DCDC1: variants seen among roughly 807,000 people sequenced by gnomAD.
DCDC1 encodes doublecortin domain containing 1, also known as doublecortin domain-containing protein 1.
In DCDC1, 200 loss-of-function variants were observed where a neutral mutation model predicts 178.3. The observed-to-expected ratio is 1.12, with a 90% CI of 1.00 to 1.26. The LOEUF (loss-of-function observed/expected upper bound fraction) is 1.26, where lower values mean the gene tolerates loss of function less well. DCDC1 is among the 50% of genes most tolerant of loss of function. The probability of loss-of-function intolerance (pLI) is 0.00; values close to 1 mark genes in which losing one functional copy is unlikely to be tolerated. For missense variants in DCDC1, 1,983 were observed against 1,749.2 expected (o/e 1.13, Z -2.38); for synonymous variants, 690 against 604.8 (o/e 1.14, Z -2.07).
chr11:30,985,548 T>C (rs1950597119), intron 20 of DCDC1, among the ~76,000 whole-genome samples: 1 of 152,202 alleles, frequency 6.6e-6, no homozygotes, highest in African/African-American at 2.4e-5. Flanking sequence ...TTAAAACATG[T>C]AGACATCTGA....
intron 9 of DCDC1, among the ~76,000 whole-genome samples, chr11:31,162,489 T>G (rs947261921): frequency 3.9e-5 from 6 of 152,132 alleles, no homozygotes; most frequent in African/African-American, 1.4e-4. Flanking sequence ...TGGGAAAAGA[T>G]TTCACCTACA....
chr11:31,257,709 C>CACACAA (rs1944505257), intron 8 of DCDC1, among the ~76,000 whole-genome samples: 1 of 151,658 alleles, frequency 6.6e-6, no homozygotes, highest in South Asian at 2.1e-4. Context: ...CACACACACA[C>CACACAA]ACACACACAC....
intron 8 of DCDC1, among the ~76,000 whole-genome samples, chr11:31,255,148 C>T (rs1372024266): frequency 1.3e-5 from 2 of 152,180 alleles, no homozygotes; most frequent in Non-Finnish European, 1.5e-5. Context: ...GAATAACATT[C>T]CATTGTATGT....
At chr11:30,871,746 C>G (rs1436882732) in intron 38 of DCDC1, among the ~76,000 whole-genome samples, 1 of 152,042 alleles carries the variant, frequency 6.6e-6, no homozygotes, top group Admixed American at 6.6e-5. Flanking sequence ...CTTCCAATAT[C>G]TGGGTCCTAG....
At position 30,963,351 on chromosome 11, in the gene DCDC1, T is replaced by C. The variant is rs1440440527; in HGVS notation, c.2592-10783A>G. ...CCTCAGTTATGTCAACTAATTTTGC[T>C]TAAAGTGCTTAAAGTCCATATCAGA... On this transcript the variant is annotated intron_variant, in intron 20 of 38. Transcript: ENST00000684477. Among the ~76,000 whole-genome samples the C allele has an allele frequency of 2.6e-5, 4 of 152,146 alleles. No homozygotes were observed. The East Asian group carries it at 7.7e-4, about 29-fold the overall frequency.
chr11:31,099,204 A>T (rs933806525), intron 15 of DCDC1, among the ~76,000 whole-genome samples: 14 of 152,188 alleles, frequency 9.2e-5, no homozygotes, highest in African/African-American at 2.9e-4. Flanking sequence ...TCGACTATTA[A>T]ATTCAATTCA....
At chr11:31,213,725 A>G (rs1973155825) in intron 9 of DCDC1, among the ~76,000 whole-genome samples, 1 of 152,002 alleles carries the variant, frequency 6.6e-6, no homozygotes, top group South Asian at 2.1e-4. Flanking sequence ...GTCTCAAAAA[A>G]AAAACAAAAA....
intron 20 of DCDC1, among the ~76,000 whole-genome samples, chr11:31,025,197 T>C (rs1335146867): frequency 6.6e-6 from 1 of 151,826 alleles, no homozygotes; most frequent in Non-Finnish European, 1.5e-5. Flanking sequence ...AGGTTACTTG[T>C]AATGGAAGTA....
chr11:31,233,140 A>G (rs1591493089), intron 9 of DCDC1, among the ~76,000 whole-genome samples: 2 of 152,130 alleles, frequency 1.3e-5, no homozygotes, highest in Admixed American at 6.5e-5. Context: ...CAACAGCTCA[A>G]TGAGGTAAGT....
chr11:31,013,815 T>C (rs755611259), intron 20 of DCDC1, among the ~76,000 whole-genome samples: 2 of 152,224 alleles, frequency 1.3e-5, no homozygotes, highest in Non-Finnish European at 1.5e-5. Flanking sequence ...ACAAGTAGCC[T>C]GAGAAAATGT....
intron 18 of DCDC1, among the ~76,000 whole-genome samples, chr11:31,074,893 A>T (rs1001471726): frequency 6.6e-6 from 1 of 152,024 alleles, no homozygotes. Flanking sequence ...CAGAGCCTAA[A>T]TTTTTTTTAT....
rs115862792 is a variant in DCDC1, at chr11:31,213,333, A to C, written c.1221+28117T>G. On this transcript the variant is annotated intron_variant, in intron 9 of 38. Coordinates refer to ENST00000684477, the MANE Select transcript of DCDC1 (RefSeq NM_001387274.1). ...CATTGGTAAGTAGAGACTGGATTTTAATTCCTGCCTGGCTCCTGAGTCTAT... is the reference window on the plus strand; with the variant it reads ...CATTGGTAAGTAGAGACTGGATTTTCATTCCTGCCTGGCTCCTGAGTCTAT... Among the ~76,000 whole-genome samples the C allele has an allele frequency of 5.1e-3, 774 of 151,882 alleles. 7 individuals are homozygous for C. Among genetic ancestry groups the C allele is most frequent in the African/African-American group, 0.018 (733 of 41,362 alleles).
chr11:31,263,025 G>A (rs534456844), intron 8 of DCDC1: 30 of 1,610,004 alleles, frequency 1.9e-5, no homozygotes, highest in Non-Finnish European at 1.5e-5. Flanking sequence ...TCATGAATCC[G>A]AATGCCTCTG....
At chr11:31,165,485 T>A (rs996642102) in intron 9 of DCDC1, among the ~76,000 whole-genome samples, 1 of 152,150 alleles carries the variant, frequency 6.6e-6, no homozygotes, top group Non-Finnish European at 1.5e-5. Flanking sequence ...CTAATTTTTT[T>A]ATTTTTGTAG....
intron 10 of DCDC1, among the ~76,000 whole-genome samples, chr11:31,137,366 T>C (rs1963267011): frequency 6.6e-6 from 1 of 151,556 alleles, no homozygotes; most frequent in South Asian, 2.1e-4. Context: ...TTTTTTTTTT[T>C]TTTTTTACGG....
intron 21 of DCDC1, among the ~76,000 whole-genome samples, chr11:30,937,891 C>G (rs760116755): frequency 1.3e-5 from 2 of 152,086 alleles, no homozygotes; most frequent in Non-Finnish European, 2.9e-5. Flanking sequence ...TCCTTTCTAC[C>G]GCCTGCTGAC....
chr11:31,313,820 A>C (rs897158060), intron 3 of DCDC1, among the ~76,000 whole-genome samples: 1 of 152,192 alleles, frequency 6.6e-6, no homozygotes, highest in Non-Finnish European at 1.5e-5. Context: ...AAAAACAAAA[A>C]ACAAAACACA....
chr11:31,297,905 T>C lies in DCDC1; in HGVS notation c.755-7053A>G, dbSNP rs1947816534. Among the ~76,000 whole-genome samples the C allele has an allele frequency of 2.0e-5, 3 of 152,270 alleles. No homozygotes were observed. In the South Asian group the frequency reaches 6.2e-4, roughly 32 times the overall value. On this transcript the variant is annotated intron_variant, in intron 6 of 38. Transcript: ENST00000684477. Reference sequence around the variant, plus strand: ...GTACCGCTTTTCTGGACCAAACCAATGTTCATCTTACATATATTGATTGAT... The same window carrying C: ...GTACCGCTTTTCTGGACCAAACCAACGTTCATCTTACATATATTGATTGAT...
chr11:31,156,398 A>T (rs1965721062), intron 9 of DCDC1, among the ~76,000 whole-genome samples: 1 of 152,136 alleles, frequency 6.6e-6, no homozygotes, highest in Non-Finnish European at 1.5e-5. Context: ...CAGGCTTAGC[A>T]ACCCCTGAAT....
Sources: allele counts gnomAD v4.1 joint callset (sites outside exome capture counted in the v4.1 genomes callset), GRCh38; gene constraint gnomAD v4.1.1; transcripts MANE v1.5; gene names NCBI Gene and HGNC (gene_info 2026-07-23, HGNC 2026-07-21).